Variants in ST3GAL1 observed in about 807,000 individuals in gnomAD.
ST3GAL1 encodes the protein CMP-N-acetylneuraminate-beta-galactosamide-alpha-2,3-sialyltransferase 1.
A neutral mutation model predicts 34.1 loss-of-function variants in ST3GAL1; 16 were observed. The ratio of observed to expected loss-of-function variants is 0.47; its 90% CI spans 0.32 to 0.71. The LOEUF (loss-of-function observed/expected upper bound fraction) is 0.71, where lower values mean the gene tolerates loss of function less well. ST3GAL1 is among the 30% of genes least tolerant of loss of function. The pLI, the probability that ST3GAL1 is intolerant of heterozygous loss-of-function variation, is 0.04. For missense variants in ST3GAL1, 353 were observed against 447.4 expected, an observed-to-expected ratio of 0.79 and a Z score of 1.90; for synonymous variants, 191 against 184.7, an observed-to-expected ratio of 1.03 and a Z score of -0.28.
chr8:133,464,628 C>G, intron 7 of ST3GAL1, 150 bp downstream of exon 7: 1 of 755,600 alleles, frequency 1.3e-6, no homozygotes, highest in Non-Finnish European at 2.1e-6. Context: ...GTCGGGGAGG[C>G]GGCCACGGGA....
At position 133,563,941 on chromosome 8, in the gene ST3GAL1, T is replaced by C. The variant is rs527915851; in HGVS notation, c.-582+7752A>G. ...TCCCCAGTAAGTCAATGCTGTCCCA[T>C]CCTCACGAGCAGCCCGCCCTGAATC... On this transcript the variant is annotated intron_variant, in intron 1 of 9. Transcript: ENST00000522652. 5.9e-5 allele frequency among the ~76,000 whole-genome samples: 9 copies of C among 152,278 alleles called. No homozygotes were observed. The East Asian group carries it at 1.7e-3, about 29-fold the overall frequency.
intron 2 of ST3GAL1, among the ~76,000 whole-genome samples, chr8:133,542,779 CAAAA>C (rs35321251): frequency 0.021 from 1,790 of 85,504 alleles, 16 homozygotes; most frequent in Middle Eastern, 0.031. Flanking sequence ...TCCTCCATCT[CAAAA>C]AAAAAAAAAA....
chr8:133,514,101 T>C (rs1489307212), intron 2 of ST3GAL1, among the ~76,000 whole-genome samples: 1 of 152,100 alleles, frequency 6.6e-6, no homozygotes, highest in East Asian at 1.9e-4. Flanking sequence ...TTTAAAATAG[T>C]AGATAAAAGG....
intron 1 of ST3GAL1, among the ~76,000 whole-genome samples, chr8:133,548,550 G>A (rs57770684): frequency 0.016 from 2,450 of 152,300 alleles, 67 homozygotes; most frequent in African/African-American, 0.056. Context: ...TGGCATGTGG[G>A]AGAAGGCCTA....
chr8:133,479,163 T>C (rs1816289170), intron 3 of ST3GAL1, among the ~76,000 whole-genome samples: 1 of 152,238 alleles, frequency 6.6e-6, no homozygotes, highest in African/African-American at 2.4e-5. Context: ...TCTCATTCAT[T>C]GACTGCATAT....
intron 9 of ST3GAL1, among the ~76,000 whole-genome samples, chr8:133,460,581 G>A (rs554960991): frequency 1.3e-5 from 2 of 152,366 alleles, no homozygotes; most frequent in East Asian, 3.9e-4. Flanking sequence ...CCTGCTGGCT[G>A]TACTGAAGTT....
At chr8:133,544,160 A>C (rs1252595632) in intron 2 of ST3GAL1, 1 of 151,684 alleles carries the variant, frequency 6.6e-6, no homozygotes, top group Non-Finnish European at 1.5e-5. Context: ...GCCTTTGCCC[A>C]GACCTGTAGG....
chr8:133,557,371 T>C lies in ST3GAL1; in HGVS notation c.-581-11445A>G, dbSNP rs75988738. Among the ~76,000 whole-genome samples the C allele has an allele frequency of 4.3e-3, 649 of 152,302 alleles. 3 individuals carry two copies. The highest frequency in any genetic ancestry group is 0.014 in the African/African-American group (591 of 41,578). On this transcript the variant is annotated intron_variant, in intron 1 of 9. Coordinates refer to ENST00000522652, the MANE Select transcript of ST3GAL1 (RefSeq NM_173344.3). ...TCCAGGCTGCTCTTCCTGCCTGCTC[T>C]AGTGCAGGAGGGCACAGAAGGCATG...
At chr8:133,527,124 G>C (rs1383705413) in intron 2 of ST3GAL1, among the ~76,000 whole-genome samples, 1 of 152,164 alleles carries the variant, frequency 6.6e-6, no homozygotes, top group Non-Finnish European at 1.5e-5. Flanking sequence ...TGAAGGGGCT[G>C]CTCTTTAACA....
At chr8:133,510,983 A>C (rs1370865227) in intron 2 of ST3GAL1, among the ~76,000 whole-genome samples, 1 of 152,220 alleles carries the variant, frequency 6.6e-6, no homozygotes, top group Non-Finnish European at 1.5e-5. Context: ...TGACCTTTTC[A>C]AATAGGATTT....
chr8:133,530,352 G>A (rs1037796862), intron 2 of ST3GAL1, among the ~76,000 whole-genome samples: 20 of 151,818 alleles, frequency 1.3e-4, no homozygotes, highest in Non-Finnish European at 2.6e-4. Flanking sequence ...CACCATCTCG[G>A]CTCACTGCAA....
At chr8:133,534,586 G>A (rs959528314) in intron 2 of ST3GAL1, among the ~76,000 whole-genome samples, 34 of 152,212 alleles carry the variant, frequency 2.2e-4, no homozygotes, top group Non-Finnish European at 7.3e-5. Flanking sequence ...TGCATGGAAC[G>A]CAGATAAGGC....
chr8:133,534,443 T>C (rs1365277766), intron 2 of ST3GAL1, among the ~76,000 whole-genome samples: 1 of 152,134 alleles, frequency 6.6e-6, no homozygotes, highest in African/African-American at 2.4e-5. Flanking sequence ...TTGGGTTCAC[T>C]CGTGTCTCCT....
At chr8:133,509,716 G>T (rs192357298) in intron 2 of ST3GAL1, among the ~76,000 whole-genome samples, 25 of 152,338 alleles carry the variant, frequency 1.6e-4, no homozygotes, top group Admixed American at 8.5e-4. Context: ...GAGGGAAGCA[G>T]AGCTGATCAT....
Position 133,457,403 on chromosome 8 carries a change from T to C in ST3GAL1, c.*2361A>G, listed in dbSNP as rs1021078904. 6.6e-5 allele frequency: 10 copies of C among 152,172 alleles called. No homozygotes were observed. Among genetic ancestry groups the C allele is most frequent in the African/African-American group, 1.7e-4 (7 of 41,436 alleles). The allele number at this position is 152,172 out of a possible 1,614,324, so 9.4% of individuals were successfully genotyped here. On this transcript the variant is annotated 3_prime_UTR_variant, in exon 10 of 10. Transcript: ENST00000522652. Reference sequence around the variant, plus strand: ...AGGAGAAGAGGGAGAGTTGAGGAGATAGCATCGCTCTCTGTATCAGTGTCT... The same window carrying C: ...AGGAGAAGAGGGAGAGTTGAGGAGACAGCATCGCTCTCTGTATCAGTGTCT...
intron 2 of ST3GAL1, among the ~76,000 whole-genome samples, chr8:133,537,227 T>C (rs779591776): frequency 3.3e-5 from 5 of 151,172 alleles, no homozygotes; most frequent in African/African-American, 4.9e-5. Context: ...TGGGGGGAGG[T>C]ATGGGGGAAG....
chr8:133,534,189 C>T lies in ST3GAL1; in HGVS notation c.-429+11585G>A, dbSNP rs1818238551. 1.3e-5 allele frequency among the ~76,000 whole-genome samples: 2 copies of T among 152,182 alleles called. 1 individual carries two copies. The highest frequency in any genetic ancestry group is 1.3e-4 in the Admixed American group (2 of 15,284). On this transcript the variant is annotated intron_variant, in intron 2 of 9. Coordinates refer to ENST00000522652, the MANE Select transcript of ST3GAL1 (RefSeq NM_173344.3). ...AAATCATCTCCCCAGACCCAAAGGCCTTCCCTTCGTCCTCTTCTTCTGACA... is the reference window on the plus strand; with the variant it reads ...AAATCATCTCCCCAGACCCAAAGGCTTTCCCTTCGTCCTCTTCTTCTGACA...
chr8:133,458,604 C>T lies in ST3GAL1; in HGVS notation c.*1160G>A, dbSNP rs1338996029. ...GTGGTGTTGAGTATCCTCAGAGCTT[C>T]GTTGCAATTCAGGTGCTGGCTCAGG... is the stretch of plus-strand genomic sequence containing the variant. On this transcript the variant is annotated 3_prime_UTR_variant, in exon 10 of 10. Coordinates refer to ENST00000522652, the MANE Select transcript of ST3GAL1 (RefSeq NM_173344.3). 6.6e-6 allele frequency: 1 copy of T among 152,216 alleles called. No homozygotes were observed. Among genetic ancestry groups the T allele is most frequent in the Non-Finnish European group, 1.5e-5 (1 of 68,072 alleles). 9.4% of individuals were successfully genotyped at this position (152,216 alleles called of 1,614,324 possible).
intron 1 of ST3GAL1, among the ~76,000 whole-genome samples, chr8:133,564,543 CACACACACACAG>C (rs1290151866): frequency 6.6e-6 from 1 of 152,002 alleles, no homozygotes; most frequent in Non-Finnish European, 1.5e-5. Context: ...CACACACACA[CACACACACACAG>C]AGTCAGAAGA....
Sources: gnomAD v4.1 joint callset for allele counts (sites outside exome capture counted in the v4.1 genomes callset) on GRCh38, gnomAD v4.1.1 for gene constraint, MANE v1.5 for transcripts, NCBI Gene and HGNC (gene_info 2026-07-23, HGNC 2026-07-21) for gene names.